The following CERS3 variants were observed in gnomAD, a reference collection of about 807,000 sequenced individuals.
CERS3 encodes ceramide synthase 3.
In CERS3, 33 loss-of-function variants were observed where a neutral mutation model predicts 50.3. That is an observed-to-expected ratio of 0.66 (90% CI 0.50 to 0.88). CERS3 has a LOEUF of 0.88. CERS3 is among the 40% of genes least tolerant of loss of function. CERS3 has a pLI of 0.00. For missense variants in CERS3, 470 were observed against 460.3 expected, an observed-to-expected ratio of 1.02 and a Z score of -0.19; for synonymous variants, 176 against 155.2, an observed-to-expected ratio of 1.13 and a Z score of -0.99.
chr15:100,518,524 ATAT>A (rs2036556285), intron 2 of CERS3, among the ~76,000 whole-genome samples: 2 of 152,252 alleles, frequency 1.3e-5, no homozygotes, highest in Non-Finnish European at 2.9e-5. Flanking sequence ...AAAATGTAAC[ATAT>A]TATTTAAAAA....
upstream of CERS3, among the ~76,000 whole-genome samples, chr15:100,532,724 A>C (rs1362735178): frequency 6.6e-6 from 1 of 151,990 alleles, no homozygotes; most frequent in Non-Finnish European, 1.5e-5. Flanking sequence ...GGCCCAATAC[A>C]CTCCAGACTG....
chr15:100,483,767 TA>T (rs1567652517), intron 5 of CERS3, among the ~76,000 whole-genome samples: 303 of 24,022 alleles, frequency 0.013, 8 homozygotes, highest in East Asian at 0.028. Context: ...GGATCAATAA[TA>T]ATAATAATTA....
At chr15:100,544,662 T>C (rs2037314210) in exon 1 of CERS3, 1 of 152,444 alleles carries the variant, frequency 6.6e-6, no homozygotes, top group Non-Finnish European at 1.5e-5. Flanking sequence ...TCCTCCTCCG[T>C]CCTGGGCCGA....
intron 1 of CERS3, among the ~76,000 whole-genome samples, chr15:100,541,601 T>G (rs766409924): frequency 6.6e-6 from 1 of 152,254 alleles, no homozygotes; most frequent in Non-Finnish European, 1.5e-5. Context: ...GAAATTTAGA[T>G]GTGAGCTAGC....
chr15:100,533,149 C>T (rs911076123), upstream of CERS3, among the ~76,000 whole-genome samples: 7 of 152,202 alleles, frequency 4.6e-5, no homozygotes, highest in African/African-American at 7.2e-5. Context: ...TCAAATTAGT[C>T]GGGAGGACAA....
chr15:100,479,974 A>G lies in CERS3; in HGVS notation c.465+15T>C. 6.3e-7 allele frequency: 1 copy of G among 1,588,072 alleles called. No homozygotes were observed. ...AAAGACAAATTCCAATCGAAGATATAAAAAGATAACTTACATCATAAAGAA... is the reference window on the plus strand; with the variant it reads ...AAAGACAAATTCCAATCGAAGATATGAAAAGATAACTTACATCATAAAGAA... On this transcript the variant is annotated intron_variant, in intron 6 of 11. Transcript: ENST00000679737.
At chr15:100,518,720 C>T (rs2036560757) in intron 2 of CERS3, among the ~76,000 whole-genome samples, 1 of 152,352 alleles carries the variant, frequency 6.6e-6, no homozygotes, top group South Asian at 2.1e-4. Flanking sequence ...CCACACCAGG[C>T]ACATTATCAG....
chr15:100,482,113 C>T (rs917802973), intron 5 of CERS3, among the ~76,000 whole-genome samples: 2 of 152,118 alleles, frequency 1.3e-5, no homozygotes, highest in Non-Finnish European at 2.9e-5. Flanking sequence ...GGTCTTGACA[C>T]CAAAAAGTTG....
At chr15:100,414,303 T>C (rs2031723730) in intron 11 of CERS3, among the ~76,000 whole-genome samples, 2 of 152,172 alleles carry the variant, frequency 1.3e-5, no homozygotes, top group Admixed American at 6.5e-5. Flanking sequence ...TGGAAAAACA[T>C]TCCATGTTCA....
chr15:100,544,667 G>A (rs1469564609), exon 1 of CERS3: 1 of 152,404 alleles, frequency 6.6e-6, no homozygotes, highest in East Asian at 1.9e-4. Flanking sequence ...CTCCGTCCTG[G>A]GCCGAGGCGG....
chr15:100,442,631 G>A lies in CERS3; in HGVS notation c.999+13262C>T, dbSNP rs1489162148. On this transcript the variant is annotated intron_variant, in intron 11 of 11. Coordinates refer to ENST00000679737, the MANE Select transcript of CERS3 (RefSeq NM_001378789.1). ...TGGGATTCCTCCTAAGCCGTGTCCT[G>A]TCTATGCGGGACCCCACTGAAAATC... 3.2e-4 allele frequency among the ~76,000 whole-genome samples: 48 copies of A among 151,302 alleles called. 1 individual carries two copies. The East Asian group carries it at 4.3e-3, about 13-fold the overall frequency.
intron 11 of CERS3, among the ~76,000 whole-genome samples, chr15:100,453,558 A>G (rs994639006): frequency 2.0e-5 from 3 of 152,226 alleles, no homozygotes; most frequent in African/African-American, 7.2e-5. Flanking sequence ...TAAATGGTGA[A>G]AGGCTGAAAG....
chr15:100,504,968 A>G (rs896454290), intron 2 of CERS3, among the ~76,000 whole-genome samples: 7 of 152,224 alleles, frequency 4.6e-5, no homozygotes, highest in Non-Finnish European at 1.0e-4. Context: ...GCAAAAGTTC[A>G]AACTTCCTAC....
At position 100,423,097 on chromosome 15, in the gene CERS3, T is replaced by A. The variant is rs3079225; in HGVS notation, c.1000-20232A>T. Among the ~76,000 whole-genome samples the A allele has an allele frequency of 8.0e-4, 118 of 147,636 alleles. 1 individual carries two copies. The highest frequency in any genetic ancestry group is 2.8e-3 in the African/African-American group (108 of 39,108). ...AACTTAAAGTATAATAAAAAAAAAA[T>A]GTTAAAAAAAAAAGAAAATAACAGA... On this transcript the variant is annotated intron_variant, in intron 11 of 11. Coordinates refer to ENST00000679737, the MANE Select transcript of CERS3 (RefSeq NM_001378789.1).
intron 1 of CERS3, among the ~76,000 whole-genome samples, chr15:100,540,760 C>G (rs1200899747): frequency 6.6e-6 from 1 of 152,118 alleles, no homozygotes; most frequent in Non-Finnish European, 1.5e-5. Flanking sequence ...TCCTATGAGC[C>G]CAGATCTCAC....
At chr15:100,418,087 C>CT (rs1567597740) in intron 11 of CERS3, among the ~76,000 whole-genome samples, 1 of 151,988 alleles carries the variant, frequency 6.6e-6, no homozygotes, top group East Asian at 1.9e-4. Context: ...TGGAGAATGA[C>CT]TTTGACGAGC....
intron 2 of CERS3, among the ~76,000 whole-genome samples, chr15:100,504,370 A>T (rs1327119505): frequency 2.6e-5 from 4 of 151,410 alleles, no homozygotes; most frequent in African/African-American, 9.7e-5. Flanking sequence ...CAGCCTCCCA[A>T]GTAGCTGGGA....
chr15:100,527,958 G>A, intron 1 of CERS3, among the ~76,000 whole-genome samples: 1 of 152,152 alleles, frequency 6.6e-6, no homozygotes, highest in East Asian at 1.9e-4. Flanking sequence ...AGGCTTGTAG[G>A]GGGGAAGGCA....
At chr15:100,424,359 A>T (rs1430532438) in intron 11 of CERS3, among the ~76,000 whole-genome samples, 1 of 152,224 alleles carries the variant, frequency 6.6e-6, no homozygotes, top group African/African-American at 2.4e-5. Flanking sequence ...GGTAATGGGA[A>T]GAGGTTGGAA....
Sources: gnomAD v4.1 joint callset for allele counts (sites outside exome capture counted in the v4.1 genomes callset) on GRCh38, gnomAD v4.1.1 for gene constraint, MANE v1.5 for transcripts, NCBI Gene and HGNC (gene_info 2026-07-23, HGNC 2026-07-21) for gene names.